The following WWP1 variants were observed in gnomAD, a reference collection of about 807,000 sequenced individuals.
WWP1 encodes WW domain containing E3 ubiquitin protein ligase 1, also known as NEDD4-like E3 ubiquitin-protein ligase WWP1.
Under a neutral mutation model 130.6 loss-of-function variants are expected in WWP1, and 49 were observed. The ratio of observed to expected loss-of-function variants is 0.38; its 90% CI spans 0.30 to 0.48. The LOEUF (loss-of-function observed/expected upper bound fraction) is 0.48. Among genes scored for constraint, WWP1 ranks in the 20% least tolerant of loss-of-function variants. WWP1 has a pLI of 0.99. For synonymous variants in WWP1, 332 were observed against 367.8 expected, an observed-to-expected ratio of 0.90 and a Z score of 1.11; for missense variants, 809 against 1,100.6, an observed-to-expected ratio of 0.74 and a Z score of 3.75.
Position 86,436,500 on chromosome 8 carries a change from C to G in WWP1, c.1749+796C>G, listed in dbSNP as rs545737170. On this transcript the variant is annotated intron_variant, in intron 16 of 24. Coordinates refer to ENST00000517970, the MANE Select transcript of WWP1 (RefSeq NM_007013.4). ...GTGCTTTATTCTTTTTCATAACCACCCAACATAGTGTATTTTGTCTTCCTT... is the reference window on the plus strand; with the variant it reads ...GTGCTTTATTCTTTTTCATAACCACGCAACATAGTGTATTTTGTCTTCCTT... 2.4e-4 allele frequency among the ~76,000 whole-genome samples: 36 copies of G among 152,246 alleles called. No individual in the cohort carries two copies. The East Asian group carries it at 7.0e-3, about 29-fold the overall frequency.
chr8:86,348,103 A>G (rs934456219), intron 1 of WWP1, among the ~76,000 whole-genome samples: 1 of 152,370 alleles, frequency 6.6e-6, no homozygotes, highest in East Asian at 1.9e-4. Context: ...CAACTTTTTT[A>G]GGGAATGTAT....
chr8:86,382,904 T>G (rs1004159761), intron 5 of WWP1, among the ~76,000 whole-genome samples: 2 of 152,176 alleles, frequency 1.3e-5, no homozygotes, highest in African/African-American at 4.8e-5. Flanking sequence ...TAAAAGTAGG[T>G]TTGCTGAATG....
At chr8:86,449,010 T>G (rs1198183456) in intron 20 of WWP1, among the ~76,000 whole-genome samples, 1 of 152,012 alleles carries the variant, frequency 6.6e-6, no homozygotes, top group Non-Finnish European at 1.5e-5. Context: ...TAAAACAATT[T>G]TTTTTTTTTT....
chr8:86,402,328 C>G, intron 8 of WWP1, 125 bp downstream of exon 8: 1 of 1,233,960 alleles, frequency 8.1e-7, no homozygotes, highest in Non-Finnish European at 1.1e-6. Context: ...CTCTGTCACC[C>G]AGGCTGGAGT....
intron 5 of WWP1, among the ~76,000 whole-genome samples, chr8:86,391,486 CCTCA>C (rs1048991341): frequency 1.3e-5 from 2 of 151,264 alleles, no homozygotes; most frequent in African/African-American, 2.4e-5. Context: ...ACTCAGTCAG[CCTCA>C]CTATTTCTTA....
At chr8:86,378,282 A>C (rs1824784469) in intron 3 of WWP1, among the ~76,000 whole-genome samples, 1 of 152,170 alleles carries the variant, frequency 6.6e-6, no homozygotes, top group Non-Finnish European at 1.5e-5. Flanking sequence ...GAGCTAATTG[A>C]AATATTTCAA....
At chr8:86,455,280 T>C (rs1009078392) in intron 21 of WWP1, among the ~76,000 whole-genome samples, 1 of 152,038 alleles carries the variant, frequency 6.6e-6, no homozygotes, top group Non-Finnish European at 1.5e-5. Context: ...AAGGCAAAGA[T>C]GTCTACTCTT....
chr8:86,342,775 G>C lies in WWP1; in HGVS notation c.-270G>C, dbSNP rs1289516666. On this transcript the variant is annotated 5_prime_UTR_variant, in exon 1 of 25. Coordinates refer to ENST00000517970, the MANE Select transcript of WWP1 (RefSeq NM_007013.4). ...GTGCGGGTTCCGAGTGGCTGCTGGC[G>C]GCCTGGGCTGCCGGGGCCGACGCCT... The C allele has an allele frequency of 2.7e-6, 1 of 367,728 alleles. No homozygotes were observed. Among genetic ancestry groups the C allele is most frequent in the Non-Finnish European group, 4.8e-6 (1 of 206,204 alleles). 22.8% of individuals were successfully genotyped at this position (367,728 alleles called of 1,614,324 possible). A position where few individuals can be genotyped will look rare whatever the true frequency, so the allele number is the denominator to read the frequency against.
intron 5 of WWP1, among the ~76,000 whole-genome samples, chr8:86,397,809 G>A (rs181625550): frequency 2.0e-4 from 31 of 152,140 alleles, no homozygotes; most frequent in African/African-American, 5.5e-4. Context: ...AGCATTTATC[G>A]AGCACTTATA....
Position 86,467,072 on chromosome 8 carries a change from T to C in WWP1, c.*179T>C. On this transcript the variant is annotated 3_prime_UTR_variant, in exon 25 of 25. Transcript: ENST00000517970. Reference sequence around the variant, plus strand: ...AGTTCATCCTTTTCTACTTTATTTATTGTTCCCTTGAAATGACTGACCAGG... The same window carrying C: ...AGTTCATCCTTTTCTACTTTATTTACTGTTCCCTTGAAATGACTGACCAGG... 2.0e-6 allele frequency: 1 copy of C among 504,578 alleles called. No individual in the cohort carries two copies. Among genetic ancestry groups the C allele is most frequent in the Non-Finnish European group, 3.5e-6 (1 of 289,208 alleles). 31.3% of individuals were successfully genotyped at this position (504,578 alleles called of 1,614,324 possible).
At chr8:86,457,805 G>A (rs1811539926) in intron 21 of WWP1, 116 bp from the exon 22 acceptor site, 2 of 800,250 alleles carry the variant, frequency 2.5e-6, no homozygotes, top group African/African-American at 1.7e-5. Flanking sequence ...TATATGCCAT[G>A]CATATAGCTT....
intron 20 of WWP1, 141 bp from the exon 21 acceptor site, chr8:86,452,418 A>G (rs964016384): frequency 3.0e-6 from 2 of 672,998 alleles, no homozygotes; most frequent in East Asian, 2.9e-5. Flanking sequence ...GTATTCATAC[A>G]TATACACACA....
chr8:86,364,857 GAA>G (rs1491154792), intron 1 of WWP1, among the ~76,000 whole-genome samples: 6 of 150,884 alleles, frequency 4.0e-5, no homozygotes, highest in South Asian at 2.1e-4. Flanking sequence ...GAGAGAGAGA[GAA>G]AGAAGAAAGA....
chr8:86,362,659 G>C (rs1204385788), intron 1 of WWP1, among the ~76,000 whole-genome samples: 1 of 152,114 alleles, frequency 6.6e-6, no homozygotes, highest in Non-Finnish European at 1.5e-5. Flanking sequence ...GTTTAAATGA[G>C]GGAGGAGAAG....
intron 18 of WWP1, 110 bp from the exon 19 acceptor site, chr8:86,448,038 A>T: frequency 1.1e-6 from 1 of 936,378 alleles, no homozygotes; most frequent in Non-Finnish European, 1.6e-6. Flanking sequence ...CCATTCACTT[A>T]CTGAATGCTT....
chr8:86,401,561 A>G (rs898057784), intron 7 of WWP1, among the ~76,000 whole-genome samples: 11 of 152,130 alleles, frequency 7.2e-5, no homozygotes, highest in Non-Finnish European at 1.6e-4. Context: ...AAAAAAAAAA[A>G]AAAAGTTTAC....
At chr8:86,421,208 C>G (rs1809181536) in intron 9 of WWP1, among the ~76,000 whole-genome samples, 1 of 152,090 alleles carries the variant, frequency 6.6e-6, no homozygotes, top group Non-Finnish European at 1.5e-5. Context: ...TACTGAATAT[C>G]ATGAGTGTTC....
chr8:86,367,007 A>C (rs1824013739), intron 1 of WWP1, among the ~76,000 whole-genome samples: 1 of 152,174 alleles, frequency 6.6e-6, no homozygotes, highest in African/African-American at 2.4e-5. Context: ...TGGTTCATCC[A>C]TTTTTATCTT....
chr8:86,453,731 G>GT (rs980990966), intron 21 of WWP1, among the ~76,000 whole-genome samples: 14 of 151,834 alleles, frequency 9.2e-5, no homozygotes, highest in Admixed American at 2.0e-4. Context: ...TTTTTTGCTT[G>GT]TTTTTTTAAT....
Sources: allele counts gnomAD v4.1 joint callset (sites outside exome capture counted in the v4.1 genomes callset), GRCh38; gene constraint gnomAD v4.1.1; transcripts MANE v1.5; gene names NCBI Gene and HGNC (gene_info 2026-07-23, HGNC 2026-07-21).